The following MYO3A variants were observed in gnomAD, a reference collection of about 807,000 sequenced individuals.
MYO3A encodes the protein myosin-IIIa.
In MYO3A, 180 loss-of-function variants were observed where a neutral mutation model predicts 192.7. That is an observed-to-expected ratio of 0.93 (90% CI 0.83 to 1.06). MYO3A has a LOEUF of 1.06. Among genes scored for constraint, MYO3A ranks in the 50% least tolerant of loss-of-function variants. The probability of loss-of-function intolerance (pLI) is 0.00; values close to 1 mark genes in which losing one functional copy is unlikely to be tolerated. For synonymous variants in MYO3A, 628 were observed against 645.3 expected (o/e 0.97, Z 0.41); for missense variants, 1,896 against 1,905.0 (o/e 1.00, Z 0.09).
At chr10:26,047,472 A>G (rs1194316957) in intron 10 of MYO3A, among the ~76,000 whole-genome samples, 3 of 152,212 alleles carry the variant, frequency 2.0e-5, no homozygotes, top group African/African-American at 7.2e-5. Context: ...TATTGGTGTC[A>G]TAAGAAAAGA....
At chr10:26,197,854 C>T (rs992242998) in intron 32 of MYO3A, among the ~76,000 whole-genome samples, 1 of 152,224 alleles carries the variant, frequency 6.6e-6, no homozygotes, top group Non-Finnish European at 1.5e-5. Flanking sequence ...GCGTGAGCCA[C>T]CACACCCAGC....
intron 32 of MYO3A, among the ~76,000 whole-genome samples, chr10:26,194,967 C>T (rs570232495): frequency 2.6e-5 from 4 of 152,272 alleles, no homozygotes; most frequent in South Asian, 2.1e-4. Flanking sequence ...AGATATAAAT[C>T]GCATGCCATA....
intron 18 of MYO3A, among the ~76,000 whole-genome samples, chr10:26,124,204 A>C (rs1056466996): frequency 3.9e-5 from 6 of 151,944 alleles, no homozygotes; most frequent in East Asian, 1.9e-4. Context: ...AAAAAAAAAA[A>C]AAAAAACTTT....
At chr10:26,122,523 A>G (rs1404187343) in intron 18 of MYO3A, among the ~76,000 whole-genome samples, 1 of 152,128 alleles carries the variant, frequency 6.6e-6, no homozygotes, top group East Asian at 1.9e-4. Context: ...CTTTATCATC[A>G]TTGTCACCAT....
chr10:26,122,411 C>T (rs1431551164), intron 18 of MYO3A, among the ~76,000 whole-genome samples: 1 of 152,130 alleles, frequency 6.6e-6, no homozygotes, highest in Admixed American at 6.5e-5. Flanking sequence ...TATGTCCAAA[C>T]CAAGGCTGCA....
intron 18 of MYO3A, among the ~76,000 whole-genome samples, chr10:26,123,235 TAA>T (rs1202288014): frequency 6.6e-5 from 10 of 152,100 alleles, no homozygotes; most frequent in African/African-American, 2.4e-4. Context: ...ACATAAAAAT[TAA>T]AACTTTTATA....
intron 19 of MYO3A, among the ~76,000 whole-genome samples, chr10:26,126,163 G>A (rs972702521): frequency 6.6e-6 from 1 of 152,108 alleles, no homozygotes; most frequent in African/African-American, 2.4e-5. Flanking sequence ...CTGACTGTAA[G>A]TCTAGATCCT....
intron 17 of MYO3A, among the ~76,000 whole-genome samples, chr10:26,114,442 C>G (rs944639625): frequency 1.3e-5 from 2 of 152,148 alleles, no homozygotes; most frequent in Non-Finnish European, 2.9e-5. Flanking sequence ...ATTTCCCAAC[C>G]ACAGGGCTCT....
chr10:26,143,355 A>T, intron 20 of MYO3A, 93 bp from the exon 21 acceptor site: 1 of 1,312,224 alleles, frequency 7.6e-7, no homozygotes, highest in Non-Finnish European at 1.1e-6. Flanking sequence ...CAAAGGGAGC[A>T]ATTTATTTTA....
chr10:26,104,109 A>C (rs1837640574), intron 17 of MYO3A, among the ~76,000 whole-genome samples: 1 of 110,972 alleles, frequency 9.0e-6, no homozygotes, highest in Non-Finnish European at 2.1e-5. Flanking sequence ...CAGATGTCTG[A>C]TTTGCAAAAA....
intron 17 of MYO3A, among the ~76,000 whole-genome samples, chr10:26,103,056 G>A (rs1432234619): frequency 1.3e-5 from 2 of 152,316 alleles, no homozygotes; most frequent in South Asian, 2.1e-4. Context: ...CACCCACTTC[G>A]AGCTTCCCAG....
chr10:26,008,787 A>G (rs1841411742), intron 6 of MYO3A, among the ~76,000 whole-genome samples: 1 of 151,992 alleles, frequency 6.6e-6, no homozygotes. Context: ...GTGGGACTGT[A>G]GACTAGTTCA....
intron 2 of MYO3A, among the ~76,000 whole-genome samples, chr10:25,948,906 T>G (rs1837029993): frequency 6.6e-6 from 1 of 152,144 alleles, no homozygotes; most frequent in Admixed American, 6.5e-5. Context: ...TGTGACTTTT[T>G]TAAATAATGT....
At chr10:26,062,123 A>T (rs1834521397) in intron 10 of MYO3A, among the ~76,000 whole-genome samples, 1 of 152,174 alleles carries the variant, frequency 6.6e-6, no homozygotes. Context: ...CTCCTTATTC[A>T]TGGGATACAA....
intron 10 of MYO3A, among the ~76,000 whole-genome samples, chr10:26,047,162 A>T (rs1347863647): frequency 6.6e-6 from 1 of 152,228 alleles, no homozygotes; most frequent in African/African-American, 2.4e-5. Flanking sequence ...GATTTCTGAA[A>T]ACTATTACAT....
chr10:26,205,755 T>C (rs1243445946), intron 34 of MYO3A, among the ~76,000 whole-genome samples: 1 of 151,476 alleles, frequency 6.6e-6, no homozygotes, highest in Non-Finnish European at 1.5e-5. Flanking sequence ...TAGCTGGGAC[T>C]ACAGGCACCC....
intron 12 of MYO3A, among the ~76,000 whole-genome samples, 186 bp from the exon 13 acceptor site, chr10:26,069,925 T>G (rs1835091488): frequency 6.6e-6 from 1 of 152,106 alleles, no homozygotes; most frequent in African/African-American, 2.4e-5. Context: ...AGGCTCTTAT[T>G]TTACATAGTT....
At chr10:26,165,184 G>C (rs541628157) in intron 26 of MYO3A, among the ~76,000 whole-genome samples, 3 of 152,100 alleles carry the variant, frequency 2.0e-5, no homozygotes, top group Admixed American at 6.5e-5. Context: ...ACATGTCCAA[G>C]TATATACAGT....
chr10:26,009,296 G>A (rs1841461200), intron 6 of MYO3A, among the ~76,000 whole-genome samples: 1 of 152,132 alleles, frequency 6.6e-6, no homozygotes, highest in African/African-American at 2.4e-5. Flanking sequence ...GTTAATGGGT[G>A]CAGCACACCA....
Sources: allele counts gnomAD v4.1 joint callset (sites outside exome capture counted in the v4.1 genomes callset), GRCh38; gene constraint gnomAD v4.1.1; transcripts MANE v1.5; gene names NCBI Gene and HGNC (gene_info 2026-07-23, HGNC 2026-07-21).